The following ZHX2 variants were observed in gnomAD, a reference collection of about 807,000 sequenced individuals.
ZHX2 encodes the protein zinc fingers and homeoboxes 2, also known as zinc fingers and homeoboxes protein 2.
ZHX2 carries 6 observed loss-of-function variants against 21.9 expected under a neutral mutation model. That is an observed-to-expected ratio of 0.27 (90% CI 0.15 to 0.54). ZHX2 has a LOEUF of 0.54. ZHX2 is among the 20% of genes least tolerant of loss of function. The pLI is 0.95. For missense variants in ZHX2, 908 were observed against 1,090.7 expected (o/e 0.83, Z 2.36); for synonymous variants, 434 against 437.1 (o/e 0.99, Z 0.09).
intron 2 of ZHX2, among the ~76,000 whole-genome samples, chr8:122,876,560 G>T (rs141281648): frequency 6.6e-6 from 1 of 152,168 alleles, no homozygotes; most frequent in Non-Finnish European, 1.5e-5. Context: ...TGTTCTGGAG[G>T]CTGGGAGCCA....
intron 2 of ZHX2, among the ~76,000 whole-genome samples, chr8:122,923,118 T>C (rs1031032914): frequency 9.9e-5 from 15 of 152,264 alleles, no homozygotes; most frequent in Non-Finnish European, 2.1e-4. Context: ...CTGGTTGATA[T>C]CTTGGGTCGG....
Position 122,952,091 on chromosome 8 carries a change from C to T in ZHX2, c.581C>T (p.Ala194Val), listed in dbSNP as rs750966056. ...TPIMKPGKPK[A>V]DAKKVPKKPE... is the part of the protein sequence containing the mutation. ...ATCATGAAGCCTGGAAAACCAAAAG[C>T]GGATGCCAAGAAGGTGCCCAAGAAG... The change falls in exon 3 of 4, where the codon GCG (alanine) becomes GTG (valine). Residue 194 changes from alanine to valine, a missense_variant. Physicochemically the swap from Ala to Val is moderately conservative, Grantham distance 64 (BLOSUM62 0). Around this residue, in one of 4 missense-constraint regions of ZHX2, gnomAD observed 220 missense variants for 251.4 expected, o/e 0.88. Coordinates refer to ENST00000314393, the MANE Select transcript of ZHX2 (RefSeq NM_014943.5). This position sits in a 1 kb window ranked among gnomAD's most constrained non-coding sequence, Gnocchi z 6.9. 23 of 1,613,444 alleles carry T rather than the reference C, an allele frequency of 1.4e-5. No individual in the cohort carries two copies. In the East Asian group the frequency reaches 1.6e-4, roughly 11 times the overall value.
chr8:122,931,874 A>G (rs1303815206), intron 2 of ZHX2, among the ~76,000 whole-genome samples: 1 of 152,236 alleles, frequency 6.6e-6, no homozygotes, highest in Non-Finnish European at 1.5e-5. Flanking sequence ...CAGGAGGCCT[A>G]GATGAGAGAT....
At chr8:122,928,780 CG>C (rs1820914499) in intron 2 of ZHX2, among the ~76,000 whole-genome samples, 1 of 152,032 alleles carries the variant, frequency 6.6e-6, no homozygotes, top group South Asian at 2.1e-4. Flanking sequence ...CCTGGGCCAA[CG>C]GGGGTATCCA....
chr8:122,964,986 T>A (rs1228336772), intron 3 of ZHX2, among the ~76,000 whole-genome samples: 2 of 151,776 alleles, frequency 1.3e-5, no homozygotes, highest in East Asian at 3.9e-4. Flanking sequence ...GGTTGTAATA[T>A]CTCCTATTTT....
At chr8:122,931,132 A>G (rs866387662) in intron 2 of ZHX2, among the ~76,000 whole-genome samples, 1 of 152,142 alleles carries the variant, frequency 6.6e-6, no homozygotes, top group African/African-American at 2.4e-5. Flanking sequence ...GCTGAACACC[A>G]TCAGGTCCAG....
intron 1 of ZHX2, among the ~76,000 whole-genome samples, chr8:122,847,638 A>C (rs1037004957): frequency 1.3e-5 from 2 of 152,230 alleles, no homozygotes; most frequent in Non-Finnish European, 2.9e-5. Context: ...TCATCACCAG[A>C]ACCCACCTTC....
At chr8:122,957,043 C>T (rs2130316916) in intron 3 of ZHX2, among the ~76,000 whole-genome samples, 1 of 152,216 alleles carries the variant, frequency 6.6e-6, no homozygotes, top group Middle Eastern at 3.4e-3. Flanking sequence ...CGAAGGTCGC[C>T]TGAATAGCAG....
intron 1 of ZHX2, among the ~76,000 whole-genome samples, chr8:122,850,454 A>G (rs1034990517): frequency 6.6e-6 from 1 of 152,100 alleles, no homozygotes; most frequent in African/African-American, 2.4e-5. Context: ...CCTGGCCAAC[A>G]TGGCGAAACC....
rs537520614 is a variant in ZHX2 at position 122,869,590 on chromosome 8, G to T, written c.-220+6051G>T. ...CAGGCTCCCTCAGGGAGCTGTCGCCGGGAGGCCCAGGCAGGGGCATCAGAA... is the reference window on the plus strand; with the variant it reads ...CAGGCTCCCTCAGGGAGCTGTCGCCTGGAGGCCCAGGCAGGGGCATCAGAA... On this transcript the variant is annotated intron_variant, in intron 2 of 3. Coordinates refer to ENST00000314393, the MANE Select transcript of ZHX2 (RefSeq NM_014943.5). Among the ~76,000 whole-genome samples, 4 of 152,314 alleles carry T rather than the reference G, an allele frequency of 2.6e-5. No individual in the cohort carries two copies. In the South Asian group the frequency reaches 8.3e-4, roughly 32 times the overall value.
intron 3 of ZHX2, among the ~76,000 whole-genome samples, chr8:122,957,352 TG>T (rs1201894157): frequency 6.7e-6 from 1 of 148,888 alleles, no homozygotes; most frequent in Non-Finnish European, 1.5e-5. Context: ...TTATGGTAAA[TG>T]CCCCACCTGT....
At chr8:122,946,174 T>A (rs933707975) in intron 2 of ZHX2, among the ~76,000 whole-genome samples, 34 of 152,220 alleles carry the variant, frequency 2.2e-4, no homozygotes, top group East Asian at 1.9e-4. Flanking sequence ...CCCAGGCATA[T>A]CAGACCCGAA....
intron 1 of ZHX2, among the ~76,000 whole-genome samples, chr8:122,831,232 C>T (rs2130673809): frequency 6.6e-6 from 1 of 152,180 alleles, no homozygotes; most frequent in South Asian, 2.1e-4. Flanking sequence ...CGAAGTCTAC[C>T]TGCCAATCTT....
intron 1 of ZHX2, among the ~76,000 whole-genome samples, chr8:122,841,950 C>G (rs1291748680): frequency 6.6e-6 from 1 of 152,168 alleles, no homozygotes. Flanking sequence ...CAAGTCCTCC[C>G]TAGCTCTCTC....
At chr8:122,881,635 G>A (rs530311810) in intron 2 of ZHX2, among the ~76,000 whole-genome samples, 1 of 152,286 alleles carries the variant, frequency 6.6e-6, no homozygotes, top group Non-Finnish European at 1.5e-5. Flanking sequence ...TTGGGGCATG[G>A]GGGTGAAACC....
At chr8:122,851,466 C>G (rs1475953788) in intron 1 of ZHX2, among the ~76,000 whole-genome samples, 2 of 152,170 alleles carry the variant, frequency 1.3e-5, no homozygotes, top group Non-Finnish European at 1.5e-5. Flanking sequence ...ACAATCATAG[C>G]TCAAACAGCA....
At chr8:122,803,974 G>A (rs1043667069) in intron 1 of ZHX2, among the ~76,000 whole-genome samples, 1 of 152,182 alleles carries the variant, frequency 6.6e-6, no homozygotes, top group Non-Finnish European at 1.5e-5. Context: ...TCAGTACGTA[G>A]AATAGTGCCT....
intron 1 of ZHX2, among the ~76,000 whole-genome samples, chr8:122,835,546 G>T (rs571319120): frequency 6.6e-6 from 1 of 152,302 alleles, no homozygotes; most frequent in Non-Finnish European, 1.5e-5. Flanking sequence ...AGAAGATGGC[G>T]ACTGGGAAGA....
rs1470702870 is a variant in ZHX2 at position 122,893,903 on chromosome 8, G to T, written c.-220+30364G>T. Among the ~76,000 whole-genome samples, 7 of 152,208 alleles carry T rather than the reference G, an allele frequency of 4.6e-5. No homozygotes were observed. The East Asian group carries it at 1.3e-3, about 29-fold the overall frequency. On this transcript the variant is annotated intron_variant, in intron 2 of 3. Transcript: ENST00000314393. ...TTTCCTTGTTTTTTCTTATTTCTGTGTCCCTATATTGATATCTGTGCATCT... is the reference window on the plus strand; with the variant it reads ...TTTCCTTGTTTTTTCTTATTTCTGTTTCCCTATATTGATATCTGTGCATCT...
Sources: allele counts gnomAD v4.1 joint callset (sites outside exome capture counted in the v4.1 genomes callset), GRCh38; gene constraint gnomAD v4.1.1; regional missense constraint gnomAD v4.1.1; non-coding constraint Gnocchi (gnomAD v3.1); transcripts MANE v1.5; gene names NCBI Gene and HGNC (gene_info 2026-07-23, HGNC 2026-07-21).